NAV1: variants seen among roughly 807,000 people sequenced by gnomAD.
NAV1 encodes the protein pore membrane and/or filament interacting like protein 3.
NAV1 carries 18 observed loss-of-function variants against 175.2 expected under a neutral mutation model. That is an observed-to-expected ratio of 0.10 (90% confidence interval 0.07 to 0.15). The LOEUF is 0.15. Among genes scored for constraint, NAV1 ranks in the 10% least tolerant of loss-of-function variants. The pLI, the probability that NAV1 is intolerant of heterozygous loss-of-function variation, is 1.00. For synonymous variants in NAV1, 897 were observed against 978.7 expected, an observed-to-expected ratio of 0.92 and a Z score of 1.56; for missense variants, 1,731 against 2,436.6, an observed-to-expected ratio of 0.71 and a Z score of 6.10.
rs376788965 is a variant in NAV1 at position 201,588,228 on chromosome 1, T to TA, written c.-143-306dup. ...CATACAGTGGAATCTTATTCGGCTG[T>TA]AAAAAGGAATGAGGTGCTGACACAT... is the stretch of plus-strand genomic sequence containing the variant. On this transcript the variant is annotated intron_variant, in intron 1 of 33. Transcript: ENST00000685211. Among the ~76,000 whole-genome samples the TA allele has an allele frequency of 1.4e-3, 209 of 152,302 alleles. 1 individual carries two copies. The highest frequency in any genetic ancestry group is 6.8e-3 in the Middle Eastern group (2 of 294).
intron 16 of NAV1, 72 bp downstream of exon 20, chr1:201,803,786 G>A (rs752676450): frequency 9.0e-6 from 14 of 1,556,940 alleles, no homozygotes; most frequent in East Asian, 4.6e-5. Flanking sequence ...CATAGGGATC[G>A]AATCCTTCCA....
Position 201,810,812 on chromosome 1 carries a change from A to G in NAV1, c.4797+54A>G. On this transcript the variant is annotated intron_variant, in intron 24 of 29. Coordinates refer to ENST00000367296, the Ensembl canonical transcript of NAV1. The surrounding 1 kb of genome is among the most constrained non-coding windows in gnomAD (Gnocchi z 6.0). ...CTTTGTTCATGCCTCAGCCTTCCCT[A>G]AGACCCTTCCTCGGCCCCTTCCTGC... 7.1e-7 allele frequency: 1 copy of G among 1,410,866 alleles called. No homozygotes were observed. Among genetic ancestry groups the G allele is most frequent in the Non-Finnish European group, 9.9e-7 (1 of 1,008,528 alleles). The allele number at this position is 1,410,866 out of a possible 1,614,324, so 87.4% of individuals were successfully genotyped here.
At chr1:201,761,717 A>G (rs544916668) in intron 3 of NAV1, among the ~76,000 whole-genome samples, 5 of 152,328 alleles carry the variant, frequency 3.3e-5, no homozygotes, top group African/African-American at 9.6e-5. Context: ...TGTCAACCCT[A>G]CATAAGTCAT....
In NAV1 at chr1:201,810,400, A is replaced by G. The variant is rs1678613016; in HGVS notation, c.4562-123A>G. The G allele has an allele frequency of 5.2e-6, 5 of 954,478 alleles. No individual in the cohort carries two copies. Among genetic ancestry groups the G allele is most frequent in the Non-Finnish European group, 7.8e-6 (5 of 643,710 alleles). 59.1% of individuals were successfully genotyped at this position (954,478 alleles called of 1,614,324 possible). A position where few individuals can be genotyped will look rare whatever the true frequency, so the allele number is the denominator to read the frequency against. ...GGGGTTAAGGGACTCTTATGGAACC[A>G]TGGGGCAAGTGGCTCTGAGTTTCTT... On this transcript the variant is annotated intron_variant, in intron 23 of 29. Coordinates refer to ENST00000367296, the Ensembl canonical transcript of NAV1. The surrounding 1 kb of genome is among the most constrained non-coding windows in gnomAD (Gnocchi z 6.0).
At chr1:201,715,612 T>C (rs1365217589) in intron 2 of NAV1, among the ~76,000 whole-genome samples, 1 of 152,224 alleles carries the variant, frequency 6.6e-6, no homozygotes, top group Non-Finnish European at 1.5e-5. Context: ...GGGTAGGTTC[T>C]GTACTCTGCA....
At chr1:201,674,997 G>A (rs997183107) in intron 1 of NAV1, among the ~76,000 whole-genome samples, 7 of 149,460 alleles carry the variant, frequency 4.7e-5, no homozygotes, top group East Asian at 2.0e-4. Context: ...CGGAGATCGC[G>A]TCACTGCCTG....
At chr1:201,612,085 T>C (rs570959019) in intron 2 of NAV1, among the ~76,000 whole-genome samples, 2 of 151,770 alleles carry the variant, frequency 1.3e-5, no homozygotes, top group South Asian at 4.2e-4. Context: ...TGTGTCAGAA[T>C]GTGTGTGTGT....
intron 3 of NAV1, among the ~76,000 whole-genome samples, chr1:201,729,467 C>T (rs1672753775): frequency 6.6e-6 from 1 of 151,788 alleles, no homozygotes; most frequent in South Asian, 2.1e-4. Context: ...ATGGTGAAAC[C>T]CCATTTCTAC....
At chr1:201,637,584 C>A (rs1479929661) in intron 2 of NAV1, among the ~76,000 whole-genome samples, 2 of 152,206 alleles carry the variant, frequency 1.3e-5, no homozygotes, top group East Asian at 3.8e-4. Flanking sequence ...GTAAGACTAT[C>A]TCCAAGGTCC....
In NAV1 at chr1:201,810,605, G is replaced by T. The variant is rs1195112279; in HGVS notation, c.4644G>T (p.Leu1548=). 2 of 1,613,982 alleles carry T rather than the reference G, an allele frequency of 1.2e-6. No homozygotes were observed. Among genetic ancestry groups the T allele is most frequent in the Admixed American group, 3.3e-5 (2 of 59,990 alleles). Residue 1548 remains leucine, a synonymous_variant, in exon 24 of 30, where the codon CTG becomes CTT. Coordinates refer to ENST00000367296, the Ensembl canonical transcript of NAV1. This position sits in a 1 kb window ranked among gnomAD's most constrained non-coding sequence, Gnocchi z 6.0. ...TGATGCAGCACTACATAAGCCTCCT[G>T]CTGAAGCACCGGCGCCTCGTCCTCT...
At position 201,819,480 on chromosome 1, in the gene NAV1, A is replaced by G. The variant is rs1679263037; in HGVS notation, c.5539-357A>G. On this transcript the variant is annotated intron_variant, in intron 29 of 29. Transcript: ENST00000367296. Reference sequence around the variant, plus strand: ...TTTTTTTTTTTTTTTTTTTGGAGACAGAGTCTTGCTCTTTCATCCAGGCTG... The same window carrying G: ...TTTTTTTTTTTTTTTTTTTGGAGACGGAGTCTTGCTCTTTCATCCAGGCTG... 2.1e-5 allele frequency among the ~76,000 whole-genome samples: 3 copies of G among 141,772 alleles called. No homozygotes were observed. In the South Asian group the frequency reaches 6.6e-4, roughly 31 times the overall value. The allele number at this position is 141,772 out of a possible 152,430, so 93.0% of individuals were successfully genotyped here.
chr1:201,705,167 TC>T (rs1192041866), intron 1 of NAV1, among the ~76,000 whole-genome samples: 1 of 152,138 alleles, frequency 6.6e-6, no homozygotes, highest in East Asian at 1.9e-4. Flanking sequence ...GCTTTACGAT[TC>T]CTCTTAGCCC....
At chr1:201,545,577 T>G (rs935265839) in intron 1 of NAV1, among the ~76,000 whole-genome samples, 5 of 152,138 alleles carry the variant, frequency 3.3e-5, no homozygotes, top group African/African-American at 1.2e-4. Context: ...TCATCCTATT[T>G]CTTACTCACC....
chr1:201,733,506 AAT>A (rs1672957928), intron 3 of NAV1: 1 of 152,114 alleles, frequency 6.6e-6, no homozygotes, highest in African/African-American at 2.4e-5. Flanking sequence ...CTATATTTAA[AAT>A]ATATATATTA....
chr1:201,706,559 C>T (rs1201845401), intron 1 of NAV1, among the ~76,000 whole-genome samples: 1 of 152,162 alleles, frequency 6.6e-6, no homozygotes, highest in Non-Finnish European at 1.5e-5. Flanking sequence ...GTTGTTCCCC[C>T]ACCACCACCC....
At chr1:201,783,907 T>C in intron 7 of NAV1, 55 bp downstream of exon 11, 7 of 1,504,032 alleles carry the variant, frequency 4.7e-6, no homozygotes, top group Non-Finnish European at 6.3e-6. Context: ...GGGCTCATTT[T>C]GCCATTGGCA....
chr1:201,731,241 C>T (rs555769451), intron 3 of NAV1, among the ~76,000 whole-genome samples: 2 of 152,110 alleles, frequency 1.3e-5, no homozygotes, highest in South Asian at 2.1e-4. Flanking sequence ...GAGAGACAGA[C>T]AGATACTGTG....
intron 1 of NAV1, among the ~76,000 whole-genome samples, chr1:201,651,259 T>C (rs752480648): frequency 8.6e-5 from 13 of 151,812 alleles, no homozygotes; most frequent in Admixed American, 2.0e-4. Context: ...GCTTTACTTG[T>C]TGGGGATAAC....
At chr1:201,715,924 A>T (rs4146693) in intron 2 of NAV1, among the ~76,000 whole-genome samples, 40,609 of 152,004 alleles carry the variant, frequency 0.27, 5,763 homozygotes, top group Non-Finnish European at 0.32. Flanking sequence ...GGGTGGGTGC[A>T]GGGCTGGAAT....
Sources: gnomAD v4.1 joint callset for allele counts (sites outside exome capture counted in the v4.1 genomes callset) on GRCh38, gnomAD v4.1.1 for gene constraint, Gnocchi (gnomAD v3.1) non-coding constraint, MANE v1.5 for transcripts, NCBI Gene and HGNC (gene_info 2026-07-23, HGNC 2026-07-21) for gene names.